AUTS2: variants seen among roughly 807,000 people sequenced by gnomAD.
AUTS2 encodes autism susceptibility gene 2 protein.
In AUTS2, 17 loss-of-function variants were observed where a neutral mutation model predicts 112.4. That is an observed-to-expected ratio of 0.15 (90% confidence interval 0.10 to 0.23). The LOEUF is 0.23. Ranked by LOEUF, AUTS2 falls within the 10% of genes least tolerant of loss-of-function variation. The pLI, the probability that AUTS2 is intolerant of heterozygous loss-of-function variation, is 1.00. For missense variants in AUTS2, 1,510 were observed against 1,701.6 expected, an observed-to-expected ratio of 0.89 and a Z score of 1.98; for synonymous variants, 751 against 702.7, an observed-to-expected ratio of 1.07 and a Z score of -1.09.
At chr7:69,925,288 A>G (rs2129543317) in intron 2 of AUTS2, among the ~76,000 whole-genome samples, 2 of 151,878 alleles carry the variant, frequency 1.3e-5, no homozygotes, top group East Asian at 3.9e-4. Context: ...TGCTTACTTT[A>G]GTTTTACTTT....
At chr7:70,745,037 T>A (rs1343978629) in intron 6 of AUTS2, among the ~76,000 whole-genome samples, 2 of 43,636 alleles carry the variant, frequency 4.6e-5, no homozygotes, top group East Asian at 3.7e-3. Context: ...TAATTAGCAA[T>A]TTTTTTTTTT....
intron 4 of AUTS2, among the ~76,000 whole-genome samples, chr7:70,207,590 T>C (rs1810633755): frequency 6.6e-6 from 1 of 152,256 alleles, no homozygotes; most frequent in Admixed American, 6.5e-5. Context: ...ACTTAGCCTT[T>C]ATAAACCTCA....
At chr7:70,063,242 C>T (rs1802335676) in intron 2 of AUTS2, among the ~76,000 whole-genome samples, 1 of 151,386 alleles carries the variant, frequency 6.6e-6, no homozygotes. Flanking sequence ...ATTCACATTG[C>T]CGATGGGTTT....
intron 4 of AUTS2, among the ~76,000 whole-genome samples, chr7:70,144,693 A>G (rs1807041081): frequency 1.3e-5 from 2 of 152,094 alleles, no homozygotes; most frequent in Admixed American, 1.3e-4. Flanking sequence ...CCAATCTGAG[A>G]CATGACTCAA....
At chr7:70,100,829 T>G (rs566097899) in intron 2 of AUTS2, among the ~76,000 whole-genome samples, 56 of 152,322 alleles carry the variant, frequency 3.7e-4, no homozygotes, top group African/African-American at 1.3e-3. Context: ...ACAGCTGTCA[T>G]GAAGGATAGG....
chr7:69,765,467 A>T (rs1052629425), intron 1 of AUTS2, among the ~76,000 whole-genome samples: 3 of 152,020 alleles, frequency 2.0e-5, no homozygotes, highest in Non-Finnish European at 4.4e-5. Context: ...TAGGTTTTTT[A>T]AAAAAATTAA....
chr7:69,721,339 A>G (rs909596959), intron 1 of AUTS2, among the ~76,000 whole-genome samples: 6 of 152,098 alleles, frequency 3.9e-5, no homozygotes, highest in African/African-American at 1.4e-4. Context: ...AAGCTCCCTT[A>G]TCAGAGAGAC....
chr7:70,679,813 G>T (rs1370936513), intron 5 of AUTS2, among the ~76,000 whole-genome samples: 8 of 152,322 alleles, frequency 5.3e-5, no homozygotes, highest in Middle Eastern at 3.4e-3. Context: ...GTGTGGGTTT[G>T]GGGGAAGGCA....
intron 1 of AUTS2, among the ~76,000 whole-genome samples, chr7:69,669,141 A>G (rs1304901965): frequency 1.3e-5 from 2 of 152,206 alleles, no homozygotes; most frequent in Admixed American, 6.5e-5. Flanking sequence ...CTATATACGT[A>G]TGTTTTACTG....
rs780193001 is a variant in AUTS2 at position 70,771,589 on chromosome 7, C to A, written c.1775C>A (p.Pro592His). Residue 592 changes from proline (P) to histidine (H), a missense_variant, in exon 11 of 19, where the codon CCT (proline) becomes CAT (histidine). By Grantham distance (77) the Pro-to-His change is moderately conservative. This residue lies in a region of AUTS2 where 187 missense variants were observed against 309.7 expected (regional missense o/e 0.60). Transcript: ENST00000342771. ...CCTCCTGCAGTGTCGGGCATCCCCC[C>A]TATGATCCCACCCACTGGCCCTTTT... ...SYPPAVSGIP[P>H]MIPPTGPFGS... The A allele has an allele frequency of 6.2e-7, 1 of 1,613,734 alleles. No homozygotes were observed. Among genetic ancestry groups the A allele is most frequent in the South Asian group, 1.1e-5 (1 of 91,010 alleles).
chr7:69,598,532 G>C lies in AUTS2; in HGVS notation c.-1122G>C, dbSNP rs1354392542. ...ACACGCCGTGCACCCTCCGGCTCGG[G>C]GCTTTCTCGGCGGCGGCGGCGGCAG... On this transcript the variant is annotated 5_prime_UTR_variant, in exon 1 of 19. Coordinates refer to ENST00000342771, the MANE Select transcript of AUTS2 (RefSeq NM_015570.4). 2 of 172,024 alleles carry C rather than the reference G, an allele frequency of 1.2e-5. No individual in the cohort carries two copies. Among genetic ancestry groups the C allele is most frequent in the Non-Finnish European group, 2.4e-5 (2 of 82,522 alleles). 10.7% of individuals were successfully genotyped at this position (172,024 alleles called of 1,614,324 possible).
chr7:70,165,695 G>A (rs371736390), intron 4 of AUTS2, among the ~76,000 whole-genome samples: 24 of 152,198 alleles, frequency 1.6e-4, no homozygotes, highest in African/African-American at 4.6e-4. Context: ...GCAGGAGTAC[G>A]CTGCTCTATA....
At chr7:70,720,998 G>A (rs925660639) in intron 6 of AUTS2, among the ~76,000 whole-genome samples, 10 of 152,004 alleles carry the variant, frequency 6.6e-5, no homozygotes, top group Non-Finnish European at 1.3e-4. Context: ...GCATCTCATC[G>A]CATCTATAAA....
At chr7:70,566,682 T>C (rs897434310) in intron 5 of AUTS2, among the ~76,000 whole-genome samples, 11 of 152,136 alleles carry the variant, frequency 7.2e-5, no homozygotes, top group African/African-American at 2.4e-4. Context: ...GAAAAACAGA[T>C]GAATGATCAA....
intron 5 of AUTS2, among the ~76,000 whole-genome samples, chr7:70,532,116 C>T (rs1444954901): frequency 6.6e-6 from 1 of 152,212 alleles, no homozygotes; most frequent in Non-Finnish European, 1.5e-5. Flanking sequence ...CCAGGCTTCA[C>T]TGCATGGCAA....
At chr7:69,958,021 G>A (rs1036185239) in intron 2 of AUTS2, among the ~76,000 whole-genome samples, 16 of 152,080 alleles carry the variant, frequency 1.1e-4, no homozygotes, top group South Asian at 2.1e-4. Context: ...ATAAAAGGGC[G>A]AAGGACAGGC....
At chr7:70,746,338 G>T (rs1788453315) in intron 6 of AUTS2, among the ~76,000 whole-genome samples, 1 of 152,110 alleles carries the variant, frequency 6.6e-6, no homozygotes, top group East Asian at 1.9e-4. Flanking sequence ...TAGAGACGGG[G>T]TTTCACCATG....
At chr7:70,630,997 T>C (rs1805228739) in intron 5 of AUTS2, among the ~76,000 whole-genome samples, 1 of 152,140 alleles carries the variant, frequency 6.6e-6, no homozygotes, top group South Asian at 2.1e-4. Context: ...TGAGCGTACT[T>C]TAATGAAGAA....
chr7:70,189,411 G>A (rs1195485353), intron 4 of AUTS2, among the ~76,000 whole-genome samples: 1 of 152,226 alleles, frequency 6.6e-6, no homozygotes, highest in Non-Finnish European at 1.5e-5. Flanking sequence ...GGATTCTTGT[G>A]TAGGATTAAA....
Sources: gnomAD v4.1 joint callset for allele counts (sites outside exome capture counted in the v4.1 genomes callset) on GRCh38, gnomAD v4.1.1 for gene constraint, gnomAD v4.1.1 regional missense constraint, MANE v1.5 for transcripts, NCBI Gene and HGNC (gene_info 2026-07-23, HGNC 2026-07-21) for gene names.